The following KCNAB1 variants were observed in gnomAD, a reference collection of about 807,000 sequenced individuals.
The protein encoded by KCNAB1 is potassium voltage-gated channel subfamily A regulatory beta subunit 1.
Under a neutral mutation model 64.6 loss-of-function variants are expected in KCNAB1, and 35 were observed. The ratio of observed to expected loss-of-function variants is 0.54; its 90% CI spans 0.41 to 0.72. KCNAB1 has a LOEUF of 0.72. Ranked by LOEUF, KCNAB1 falls within the 30% of genes least tolerant of loss-of-function variation. The pLI, the probability that KCNAB1 is intolerant of heterozygous loss-of-function variation, is 0.00. For missense variants in KCNAB1, 401 were observed against 512.9 expected (o/e 0.78, Z 2.11); for synonymous variants, 177 against 183.8 (o/e 0.96, Z 0.30).
At chr3:156,250,897 T>C (rs921051648) in intron 1 of KCNAB1, among the ~76,000 whole-genome samples, 3 of 152,238 alleles carry the variant, frequency 2.0e-5, no homozygotes, top group Non-Finnish European at 4.4e-5. Flanking sequence ...TGCTAGACAT[T>C]GGCAATTGAT....
chr3:156,269,274 A>T (rs1299480789), intron 1 of KCNAB1, among the ~76,000 whole-genome samples: 1 of 152,148 alleles, frequency 6.6e-6, no homozygotes, highest in Non-Finnish European at 1.5e-5. Context: ...ATATTGTTTA[A>T]TTTCCATGTG....
chr3:156,258,519 T>G (rs927257278), intron 1 of KCNAB1, among the ~76,000 whole-genome samples: 1 of 152,182 alleles, frequency 6.6e-6, no homozygotes, highest in South Asian at 2.1e-4. Flanking sequence ...AAGTCCCTCA[T>G]TCATATGCAT....
chr3:156,208,456 G>T (rs62286204), intron 1 of KCNAB1, among the ~76,000 whole-genome samples: 6,934 of 152,264 alleles, frequency 0.046, 196 homozygotes, highest in East Asian at 0.092. Flanking sequence ...CTAGGAAGGA[G>T]GATGAGAGTG....
intron 1 of KCNAB1, among the ~76,000 whole-genome samples, chr3:156,128,706 A>G (rs1248546235): frequency 2.6e-5 from 4 of 152,168 alleles, no homozygotes; most frequent in African/African-American, 7.2e-5. Flanking sequence ...CATGCTTTCA[A>G]TGTTTCCCAA....
At chr3:156,133,619 A>G (rs1714125968) in intron 1 of KCNAB1, among the ~76,000 whole-genome samples, 2 of 152,184 alleles carry the variant, frequency 1.3e-5, no homozygotes, top group African/African-American at 4.8e-5. Context: ...ATGATCCTGG[A>G]GTCTGTTCAG....
intron 1 of KCNAB1, among the ~76,000 whole-genome samples, chr3:156,349,330 T>C (rs1348504770): frequency 6.6e-6 from 1 of 152,190 alleles, no homozygotes; most frequent in African/African-American, 2.4e-5. Context: ...CCCAGCCCTA[T>C]GTTGGAAAGC....
intron 1 of KCNAB1, among the ~76,000 whole-genome samples, chr3:156,394,358 T>C (rs1380650802): frequency 2.0e-5 from 3 of 152,180 alleles, no homozygotes; most frequent in South Asian, 2.1e-4. Flanking sequence ...GTGAAGTCTA[T>C]TTTCAAAGGT....
At chr3:156,131,973 T>C (rs1226910991) in intron 1 of KCNAB1, among the ~76,000 whole-genome samples, 1 of 152,154 alleles carries the variant, frequency 6.6e-6, no homozygotes, top group Non-Finnish European at 1.5e-5. Flanking sequence ...AGAGGCAACA[T>C]TGACTGGAAT....
At chr3:156,518,170 T>C (rs1717682573) in intron 11 of KCNAB1, among the ~76,000 whole-genome samples, 1 of 152,122 alleles carries the variant, frequency 6.6e-6, no homozygotes, top group Non-Finnish European at 1.5e-5. Context: ...GCTTGGGAAA[T>C]ATTTCTATTG....
At chr3:156,400,798 C>G (rs1713834765) in intron 1 of KCNAB1, among the ~76,000 whole-genome samples, 1 of 152,192 alleles carries the variant, frequency 6.6e-6, no homozygotes, top group Non-Finnish European at 1.5e-5. Context: ...TAGCTCAAAT[C>G]CTTTCTTCCT....
intron 1 of KCNAB1, among the ~76,000 whole-genome samples, chr3:156,242,560 T>C (rs894256224): frequency 1.1e-4 from 16 of 152,112 alleles, no homozygotes; most frequent in African/African-American, 3.9e-4. Context: ...TTCTGAAAAA[T>C]TTCTTCCACT....
intron 1 of KCNAB1, among the ~76,000 whole-genome samples, chr3:156,327,141 T>C (rs879227040): frequency 2.3e-4 from 35 of 152,328 alleles, no homozygotes; most frequent in Admixed American, 4.6e-4. Flanking sequence ...GTCTCTATGG[T>C]TGTGATTCAG....
At chr3:156,131,897 G>A (rs1391734901) in intron 1 of KCNAB1, among the ~76,000 whole-genome samples, 2 of 152,250 alleles carry the variant, frequency 1.3e-5, no homozygotes, top group African/African-American at 4.8e-5. Context: ...GATCAAGAGA[G>A]GAGTATGGGA....
In KCNAB1 at chr3:156,184,351, A is replaced by G. The variant is rs184303056; in HGVS notation, c.275+63465A>G. 4.6e-4 allele frequency among the ~76,000 whole-genome samples: 70 copies of G among 152,178 alleles called. 1 individual carries two copies. The highest frequency in any genetic ancestry group is 4.4e-3 in the Admixed American group (68 of 15,290). On this transcript the variant is annotated intron_variant, in intron 1 of 13. Coordinates refer to ENST00000490337, the MANE Select transcript of KCNAB1 (RefSeq NM_172160.3). ...GTAGCATCTCCAGGCTCCCTGTTGT[A>G]CCAAAAGGAATCTTATATTCTGTCC... is the stretch of plus-strand genomic sequence containing the variant.
At chr3:156,249,679 C>T (rs906848438) in intron 1 of KCNAB1, among the ~76,000 whole-genome samples, 1 of 152,200 alleles carries the variant, frequency 6.6e-6, no homozygotes, top group African/African-American at 2.4e-5. Context: ...ACCCAGTTGC[C>T]TATCAATCTT....
intron 1 of KCNAB1, among the ~76,000 whole-genome samples, chr3:156,376,677 T>A (rs1711700442): frequency 6.6e-6 from 1 of 152,212 alleles, no homozygotes; most frequent in African/African-American, 2.4e-5. Flanking sequence ...ATCGGATGAC[T>A]TTCAATGAGC....
At chr3:156,368,042 G>A (rs566907503) in intron 1 of KCNAB1, among the ~76,000 whole-genome samples, 105 of 152,280 alleles carry the variant, frequency 6.9e-4, no homozygotes, top group African/African-American at 2.5e-3. Context: ...GCTCTAGGAT[G>A]TGCAGTTATC....
chr3:156,362,846 C>A (rs960554210), intron 1 of KCNAB1, among the ~76,000 whole-genome samples: 2 of 152,256 alleles, frequency 1.3e-5, no homozygotes, highest in African/African-American at 4.8e-5. Flanking sequence ...AAAGTATGGT[C>A]TTCTATTGGT....
At chr3:156,298,376 G>A (rs1489794078) in intron 1 of KCNAB1, among the ~76,000 whole-genome samples, 1 of 152,192 alleles carries the variant, frequency 6.6e-6, no homozygotes, top group African/African-American at 2.4e-5. Flanking sequence ...CTTCAGTTTG[G>A]TTGTTACACA....
Sources: gnomAD v4.1 joint callset for allele counts (sites outside exome capture counted in the v4.1 genomes callset) on GRCh38, gnomAD v4.1.1 for gene constraint, MANE v1.5 for transcripts, NCBI Gene and HGNC (gene_info 2026-07-23, HGNC 2026-07-21) for gene names.